The following KCNH8 variants were observed in gnomAD, a reference collection of about 807,000 sequenced individuals.
The protein encoded by KCNH8 is voltage-gated delayed rectifier potassium channel KCNH8.
Under a neutral mutation model 103.6 loss-of-function variants are expected in KCNH8, and 70 were observed. The observed-to-expected ratio is 0.68, with a 90% confidence interval of 0.56 to 0.82. The LOEUF (loss-of-function observed/expected upper bound fraction) is 0.82, where lower values mean the gene tolerates loss of function less well. Ranked by LOEUF, KCNH8 falls within the 40% of genes least tolerant of loss-of-function variation. The pLI, the probability that KCNH8 is intolerant of heterozygous loss-of-function variation, is 0.00. For missense variants in KCNH8, 1,217 were observed against 1,329.9 expected (o/e 0.92, Z 1.32); for synonymous variants, 498 against 489.4 (o/e 1.02, Z -0.23).
At chr3:19,190,972 T>C (rs1388356026) in intron 1 of KCNH8, among the ~76,000 whole-genome samples, 1 of 151,916 alleles carries the variant, frequency 6.6e-6, no homozygotes, top group African/African-American at 2.4e-5. Context: ...AAAGTGTTGG[T>C]CACATACTTT....
Position 19,358,913 on chromosome 3 carries a change from G to GA in KCNH8, c.811+10957dup, listed in dbSNP as rs569882915. 1.6e-4 allele frequency among the ~76,000 whole-genome samples: 23 copies of GA among 145,592 alleles called. No homozygotes were observed. The South Asian group carries it at 1.7e-3, about 11-fold the overall frequency. On this transcript the variant is annotated intron_variant, in intron 5 of 15. Coordinates refer to ENST00000328405, the MANE Select transcript of KCNH8 (RefSeq NM_144633.3). The stretch of plus-strand genomic sequence containing the variant: ...GGACCCAGTGATTTCAAAACAACCA[G>GA]AAAAAAAAACCTAAGGAAATATGAA...
chr3:19,441,313 T>C (rs1046374895), intron 8 of KCNH8, among the ~76,000 whole-genome samples: 3 of 152,200 alleles, frequency 2.0e-5, no homozygotes, highest in African/African-American at 7.2e-5. Context: ...CTTCTACATT[T>C]GCTATGTCCA....
intron 7 of KCNH8, among the ~76,000 whole-genome samples, chr3:19,403,926 C>T (rs529440546): frequency 6.6e-6 from 1 of 151,774 alleles, no homozygotes; most frequent in Admixed American, 6.6e-5. Flanking sequence ...ACATTATGCC[C>T]CATATGACAT....
At chr3:19,155,241 A>G (rs1452271179) in intron 1 of KCNH8, among the ~76,000 whole-genome samples, 5 of 152,222 alleles carry the variant, frequency 3.3e-5, no homozygotes, top group African/African-American at 1.2e-4. Flanking sequence ...TTCAAGCTGC[A>G]AATCTGAGTT....
chr3:19,190,241 G>A (rs1182187559), intron 1 of KCNH8, among the ~76,000 whole-genome samples: 2 of 151,736 alleles, frequency 1.3e-5, no homozygotes, highest in Non-Finnish European at 1.5e-5. Flanking sequence ...AAGTTCTAAG[G>A]GAAAAATTTT....
At chr3:19,528,130 T>C (rs1484400243) in intron 15 of KCNH8, among the ~76,000 whole-genome samples, 1 of 151,980 alleles carries the variant, frequency 6.6e-6, no homozygotes, top group Non-Finnish European at 1.5e-5. Context: ...GGAAAGTGGA[T>C]AAAGAAAATG....
At chr3:19,411,494 T>A (rs2066778221) in intron 7 of KCNH8, among the ~76,000 whole-genome samples, 1 of 152,008 alleles carries the variant, frequency 6.6e-6, no homozygotes, top group Non-Finnish European at 1.5e-5. Flanking sequence ...CTATTCAGCA[T>A]AGCACTGGAA....
intron 15 of KCNH8, among the ~76,000 whole-genome samples, chr3:19,523,059 A>C (rs1171435929): frequency 1.3e-5 from 2 of 151,834 alleles, no homozygotes; most frequent in Non-Finnish European, 2.9e-5. Context: ...GTTGTTTCCT[A>C]TAACACATTA....
At chr3:19,518,327 A>G (rs1448085984) in intron 15 of KCNH8, among the ~76,000 whole-genome samples, 1 of 152,076 alleles carries the variant, frequency 6.6e-6, no homozygotes, top group Non-Finnish European at 1.5e-5. Context: ...GTGAAATTAA[A>G]TAAAATAATC....
chr3:19,529,203 T>C (rs192575206), intron 15 of KCNH8, among the ~76,000 whole-genome samples: 1 of 152,338 alleles, frequency 6.6e-6, no homozygotes, highest in East Asian at 1.9e-4. Flanking sequence ...TTTTCTAATA[T>C]GAGTGTCAGA....
chr3:19,184,186 G>A (rs1261460671), intron 1 of KCNH8, among the ~76,000 whole-genome samples: 1 of 151,988 alleles, frequency 6.6e-6, no homozygotes, highest in Non-Finnish European at 1.5e-5. Flanking sequence ...AATTGGATAA[G>A]TAAATTATCA....
intron 3 of KCNH8, among the ~76,000 whole-genome samples, chr3:19,288,665 A>G (rs1205462821): frequency 6.6e-6 from 1 of 152,046 alleles, no homozygotes; most frequent in African/African-American, 2.4e-5. Context: ...AGTCTTTGCT[A>G]TTGTGAATAG....
rs2067181304 is a variant in KCNH8 at position 19,435,204 on chromosome 3, A to G, written c.1178-2960A>G. On this transcript the variant is annotated intron_variant, in intron 7 of 15. Coordinates refer to ENST00000328405, the MANE Select transcript of KCNH8 (RefSeq NM_144633.3). ...ATTATACCCCAATAAAACTGAAGAA[A>G]AAAAGAATCAAAATATGCCCAAAAG... Among the ~76,000 whole-genome samples, 7 of 152,194 alleles carry G rather than the reference A, an allele frequency of 4.6e-5. 1 individual carries two copies. Among genetic ancestry groups the G allele is most frequent in the Admixed American group, 4.6e-4 (7 of 15,276 alleles).
chr3:19,476,459 C>T (rs1393888531), intron 11 of KCNH8, among the ~76,000 whole-genome samples: 2 of 152,130 alleles, frequency 1.3e-5, no homozygotes, highest in Non-Finnish European at 2.9e-5. Context: ...TCCTGAAAAT[C>T]TTATGAAACC....
At chr3:19,474,804 A>G (rs554681073) in intron 11 of KCNH8, among the ~76,000 whole-genome samples, 8 of 152,342 alleles carry the variant, frequency 5.3e-5, no homozygotes, top group Admixed American at 5.2e-4. Flanking sequence ...ATTCATAAAC[A>G]GTCCCGAGTC....
chr3:19,185,312 A>G (rs1397380131), intron 1 of KCNH8, among the ~76,000 whole-genome samples: 3 of 151,888 alleles, frequency 2.0e-5, no homozygotes, highest in Non-Finnish European at 4.4e-5. Flanking sequence ...GATTATAGTC[A>G]TTCAGGTGAG....
chr3:19,389,658 T>C (rs1222357768), intron 5 of KCNH8, among the ~76,000 whole-genome samples: 1 of 152,126 alleles, frequency 6.6e-6, no homozygotes, highest in African/African-American at 2.4e-5. Context: ...AAACAGGGTC[T>C]CACTCTGTTG....
intron 2 of KCNH8, among the ~76,000 whole-genome samples, chr3:19,279,150 T>G (rs759509267): frequency 1.7e-4 from 26 of 152,196 alleles, no homozygotes; most frequent in Non-Finnish European, 3.4e-4. Flanking sequence ...TTTAGCCTGA[T>G]GGCTCTTTTT....
intron 11 of KCNH8, among the ~76,000 whole-genome samples, chr3:19,503,806 A>T (rs2068638482): frequency 6.6e-6 from 1 of 151,772 alleles, no homozygotes; most frequent in South Asian, 2.1e-4. Context: ...GAGGGATAGC[A>T]TTAGGAGATA....
Sources: gnomAD v4.1 joint callset for allele counts (sites outside exome capture counted in the v4.1 genomes callset) on GRCh38, gnomAD v4.1.1 for gene constraint, MANE v1.5 for transcripts, NCBI Gene and HGNC (gene_info 2026-07-23, HGNC 2026-07-21) for gene names.